Variants in GON7 observed in about 807,000 individuals in gnomAD.
GON7 encodes EKC/KEOPS complex subunit GON7.
In GON7, 2 loss-of-function variants were observed where a neutral mutation model predicts 7.6. The ratio of observed to expected loss-of-function variants is 0.26; its 90% CI spans 0.11 to 0.83. GON7 has a LOEUF of 0.83. GON7 is among the 40% of genes least tolerant of loss of function. GON7 has a pLI of 0.65. For missense variants in GON7, 121 were observed against 132.2 expected, an observed-to-expected ratio of 0.92 and a Z score of 0.42; for synonymous variants, 54 against 56.6, an observed-to-expected ratio of 0.95 and a Z score of 0.20.
At chr14:93,203,822 T>C in intron 1 of GON7, 40 bp from the exon 2 acceptor site, 1 of 1,512,594 alleles carries the variant, frequency 6.6e-7, no homozygotes, top group Non-Finnish European at 9.2e-7. Flanking sequence ...ATACGTTCTA[T>C]GGCTGAAAGA....
chr14:93,207,063 G>T lies in GON7; in HGVS notation c.-26C>A, dbSNP rs927694341. 8.1e-6 allele frequency: 13 copies of T among 1,611,638 alleles called. No homozygotes were observed. Among genetic ancestry groups the T allele is most frequent in the African/African-American group, 1.3e-5 (1 of 74,850 alleles). On this transcript the variant is annotated 5_prime_UTR_variant, in exon 1 of 2. Transcript: ENST00000306954. The stretch of plus-strand genomic sequence containing the variant: ...GGTGACCGCTAAGCTTCCAGAACAC[G>T]ACACCGGGAAGCGCCACCCGGAGGC...
intron 1 of GON7, among the ~76,000 whole-genome samples, chr14:93,205,598 G>C (rs1263392): frequency 0.36 from 55,097 of 151,500 alleles, 10,597 homozygotes; most frequent in African/African-American, 0.45. Context: ...ACCGGGGAGG[G>C]AGAGGTTGCA....
intron 1 of GON7, among the ~76,000 whole-genome samples, 190 bp downstream of exon 1, chr14:93,206,640 C>G (rs1185492934): frequency 6.6e-6 from 1 of 151,494 alleles, no homozygotes; most frequent in Non-Finnish European, 1.5e-5. Flanking sequence ...CCTGCCTCGC[C>G]CTCCCAAAGT....
intron 1 of GON7, among the ~76,000 whole-genome samples, chr14:93,205,985 G>A (rs894281856): frequency 6.6e-6 from 1 of 152,090 alleles, no homozygotes; most frequent in Non-Finnish European, 1.5e-5. Flanking sequence ...AGTTACAGAG[G>A]ACCACAGAAC....
chr14:93,203,656 C>G lies in GON7; in HGVS notation c.*32G>C. 1 of 1,557,742 alleles carries G rather than the reference C, an allele frequency of 6.4e-7. No homozygotes were observed. Among genetic ancestry groups the G allele is most frequent in the Non-Finnish European group, 8.9e-7 (1 of 1,128,996 alleles). Reference sequence around the variant, plus strand: ...TCCTAGTGTGACAATAAGGATACAACAGCCATCTTTTAAATGTCATGAAGG... The same window carrying G: ...TCCTAGTGTGACAATAAGGATACAAGAGCCATCTTTTAAATGTCATGAAGG... On this transcript the variant is annotated 3_prime_UTR_variant, in exon 2 of 2. Coordinates refer to ENST00000306954, the MANE Select transcript of GON7 (RefSeq NM_032490.5).
chr14:93,203,600 TC>T lies in GON7; in HGVS notation c.*87del, dbSNP rs1894289444. The T allele has an allele frequency of 5.2e-6, 6 of 1,159,340 alleles. No homozygotes were observed. The highest frequency in any genetic ancestry group is 7.5e-6 in the Non-Finnish European group (6 of 798,806). 71.8% of individuals were successfully genotyped at this position (1,159,340 alleles called of 1,614,324 possible). ...CCAGGAGAACAACACAAATGCTTTT[TC>T]CAAATTAGAGCATAAGTCTTCCTTA... On this transcript the variant is annotated 3_prime_UTR_variant, in exon 2 of 2. Transcript: ENST00000306954.
At chr14:93,204,579 C>T (rs1894307323) in intron 1 of GON7, among the ~76,000 whole-genome samples, 1 of 152,182 alleles carries the variant, frequency 6.6e-6, no homozygotes, top group Admixed American at 6.5e-5. Context: ...CCCACCACTG[C>T]ACCTGGCTCA....
At chr14:93,206,120 C>T (rs1200396975) in intron 1 of GON7, among the ~76,000 whole-genome samples, 1 of 152,188 alleles carries the variant, frequency 6.6e-6, no homozygotes, top group Non-Finnish European at 1.5e-5. Context: ...ATTCTTCTGC[C>T]TCAGCCTCCC....
chr14:93,203,924 T>A, intron 1 of GON7, 142 bp from the exon 2 acceptor site: 1 of 590,044 alleles, frequency 1.7e-6, no homozygotes, highest in Non-Finnish European at 2.9e-6. Flanking sequence ...ATTTTGAGAA[T>A]TTCAGTGTTT....
chr14:93,205,408 G>A (rs958662709), intron 1 of GON7, among the ~76,000 whole-genome samples: 35 of 152,172 alleles, frequency 2.3e-4, no homozygotes, highest in Admixed American at 5.9e-4. Flanking sequence ...GGTGGCTCAC[G>A]CCTGTAATCC....
chr14:93,206,934 G>A lies in GON7; in HGVS notation c.104C>T (p.Ser35Phe), dbSNP rs1894359113. The change falls in exon 1 of 2, where the codon TCT (serine) becomes TTT (phenylalanine). Residue 35 changes from serine (S) to phenylalanine (F), a missense_variant. Coordinates refer to ENST00000306954, the MANE Select transcript of GON7 (RefSeq NM_032490.5). ...GDGDPFQGLL[S>F]GVAQMKDMVT... ...CATGTCCTTCATCTGGGCCACGCCA[G>A]ACAACAGGCCCTGGAAAGGGTCGCC... 1 of 1,614,228 alleles carries A rather than the reference G, an allele frequency of 6.2e-7. No homozygotes were observed. Among genetic ancestry groups the A allele is most frequent in the Non-Finnish European group, 8.5e-7 (1 of 1,180,042 alleles).
intron 1 of GON7, among the ~76,000 whole-genome samples, chr14:93,206,260 C>T (rs1359952948): frequency 2.6e-5 from 4 of 152,134 alleles, no homozygotes; most frequent in Admixed American, 2.0e-4. Flanking sequence ...CTGCCTGCCT[C>T]GGTCTCCCAA....
chr14:93,206,696 ATT>A, intron 1 of GON7, 132 bp downstream of exon 1: 1 of 1,031,908 alleles, frequency 9.7e-7, no homozygotes, highest in Non-Finnish European at 1.4e-6. Context: ...CCCGCCAAAA[ATT>A]TTTAGATGCA....
Position 93,203,502 on chromosome 14 carries a change from CAG to C in GON7, c.*184_*185del, listed in dbSNP as rs1894288017. ...GTCTGAAATTTATTTCTCAAGAAAACAGATTTTATTTCTAAGCCTTTACTATC... is the reference window on the plus strand; with the variant it reads ...GTCTGAAATTTATTTCTCAAGAAAACATTTTATTTCTAAGCCTTTACTATC... On this transcript the variant is annotated 3_prime_UTR_variant, in exon 2 of 2. Transcript: ENST00000306954. 6.1e-6 allele frequency: 3 copies of C among 492,200 alleles called. No individual in the cohort carries two copies. Among genetic ancestry groups the C allele is most frequent in the South Asian group, 8.9e-5 (2 of 22,372 alleles). 30.5% of individuals were successfully genotyped at this position (492,200 alleles called of 1,614,324 possible). A position where few individuals can be genotyped will look rare whatever the true frequency, so the allele number is the denominator to read the frequency against.
Position 93,206,964 on chromosome 14 carries a change from C to G in GON7, c.74G>C (p.Gly25Ala), listed in dbSNP as rs754797970. 1.9e-6 allele frequency: 3 copies of G among 1,614,242 alleles called. No individual in the cohort carries two copies. The highest frequency in any genetic ancestry group is 2.5e-6 in the Non-Finnish European group (3 of 1,180,046). ...QKLRVSCEAP[G>A]DGDPFQGLLS... is the part of the protein sequence containing the mutation. ...CAGGCCCTGGAAAGGGTCGCCGTCA[C>G]CCGGCGCCTCACAGGACACCCGCAG... Residue 25 changes from glycine to alanine, a missense_variant, in exon 1 of 2, where the codon GGT (glycine) becomes GCT (alanine). Gly to Ala is a moderately conservative substitution (Grantham distance 60, BLOSUM62 0). Coordinates refer to ENST00000306954, the MANE Select transcript of GON7 (RefSeq NM_032490.5).
chr14:93,205,919 C>A (rs1346468165), intron 1 of GON7, among the ~76,000 whole-genome samples: 5 of 152,204 alleles, frequency 3.3e-5, no homozygotes, highest in African/African-American at 9.6e-5. Flanking sequence ...TATTCAACAC[C>A]CAGCTCAAAA....
At chr14:93,203,857 T>C (rs983917141) in intron 1 of GON7, 75 bp from the exon 2 acceptor site, 31 of 1,054,098 alleles carry the variant, frequency 2.9e-5, no homozygotes, top group Non-Finnish European at 4.4e-5. Flanking sequence ...AAGTGGTTGA[T>C]AATGAGACCA....
At chr14:93,204,797 C>T (rs1487283970) in intron 1 of GON7, among the ~76,000 whole-genome samples, 1 of 152,132 alleles carries the variant, frequency 6.6e-6, no homozygotes, top group Non-Finnish European at 1.5e-5. Context: ...ATGCACTCAT[C>T]GGTTGATGGA....
At chr14:93,206,451 T>C (rs1455028728) in intron 1 of GON7, among the ~76,000 whole-genome samples, 4 of 152,168 alleles carry the variant, frequency 2.6e-5, no homozygotes, top group Non-Finnish European at 5.9e-5. Context: ...ACACGTTTTT[T>C]TGTGAAATAA....
Sources: gnomAD v4.1 joint callset for allele counts (sites outside exome capture counted in the v4.1 genomes callset) on GRCh38, gnomAD v4.1.1 for gene constraint, MANE v1.5 for transcripts, NCBI Gene and HGNC (gene_info 2026-07-23, HGNC 2026-07-21) for gene names.